UGT1A5: variants seen among roughly 807,000 people sequenced by gnomAD.
UGT1A5 encodes the protein UDP-glucuronosyltransferase 1A5.
A neutral mutation model predicts 40.3 loss-of-function variants in UGT1A5; 29 were observed. The ratio of observed to expected loss-of-function variants is 0.72; its 90% confidence interval spans 0.54 to 0.98. The LOEUF (loss-of-function observed/expected upper bound fraction) is 0.98, where lower values mean the gene tolerates loss of function less well. Ranked by LOEUF, UGT1A5 falls within the 50% of genes least tolerant of loss-of-function variation. The pLI is 0.00. For synonymous variants in UGT1A5, 257 were observed against 262.5 expected (o/e 0.98, Z 0.20); for missense variants, 678 against 677.9 (o/e 1.00, Z 0.00).
intron 3 of UGT1A5, 94 bp from the exon 4 acceptor site, chr2:233,768,126 C>T: frequency 6.2e-7 from 1 of 1,604,728 alleles, no homozygotes; most frequent in Non-Finnish European, 8.5e-7. Flanking sequence ...ATGTGAGTAA[C>T]ACTGAGTCTT....
At chr2:233,770,165 A>G (rs941175167) in intron 4 of UGT1A5, 2 of 152,226 alleles carry the variant, frequency 1.3e-5, no homozygotes, top group Admixed American at 1.3e-4. Context: ...ACACAAATCA[A>G]TGAGCTCAAC....
At chr2:233,762,315 G>T (rs565893517) in intron 1 of UGT1A5, among the ~76,000 whole-genome samples, 1 of 152,334 alleles carries the variant, frequency 6.6e-6, no homozygotes, top group South Asian at 2.1e-4. Context: ...TTAATGGGTC[G>T]AGAGTAATCC....
At chr2:233,766,321 C>T (rs1182863859) in intron 1 of UGT1A5, among the ~76,000 whole-genome samples, 1 of 152,172 alleles carries the variant, frequency 6.6e-6, no homozygotes. Flanking sequence ...CTCAGCCAAA[C>T]TCCGCGTTGT....
At chr2:233,714,970 A>G (rs1219636943) in intron 1 of UGT1A5, among the ~76,000 whole-genome samples, 1 of 152,130 alleles carries the variant, frequency 6.6e-6, no homozygotes, top group Non-Finnish European at 1.5e-5. Context: ...TCCACCTCCC[A>G]GGTTCAACTG....
chr2:233,768,263 T>C lies in UGT1A5; in HGVS notation c.1131T>C (p.His377=), dbSNP rs1699595501. The C allele has an allele frequency of 2.5e-6, 4 of 1,614,154 alleles. No individual in the cohort carries two copies. Among genetic ancestry groups the C allele is most frequent in the Non-Finnish European group, 3.4e-6 (4 of 1,180,014 alleles). ...CCTTTATCACCCATGCTGGTTCCCA[T>C]GGTGTTTATGAAAGCATATGCAATG... The part of the protein sequence containing the change: ...TRAFITHAGS[H]GVYESICNGV... Residue 377 remains histidine (H), a synonymous_variant, in exon 4 of 5, where the codon CAT becomes CAC. Coordinates refer to ENST00000373414, the MANE Select transcript of UGT1A5 (RefSeq NM_019078.2).
chr2:233,772,483 G>A lies in UGT1A5; in HGVS notation c.1529G>A (p.Cys510Tyr), dbSNP rs1700526717. The A allele has an allele frequency of 1.2e-6, 2 of 1,614,146 alleles. No individual in the cohort carries two copies. Among genetic ancestry groups the A allele is most frequent in the Non-Finnish European group, 1.7e-6 (2 of 1,180,048 alleles). Reference protein sequence around the residue: ...VLTVAFITFKCCAYGYRKCLG... With the variant: ...VLTVAFITFKYCAYGYRKCLG... ...ACAGTGGCCTTCATCACCTTTAAAT[G>A]TTGTGCTTATGGCTACCGGAAATGC... The change falls in exon 5 of 5, where the codon TGT becomes TAT. Residue 510 changes from cysteine to tyrosine, a missense_variant. Cys to Tyr is a radical substitution (Grantham distance 194, BLOSUM62 -2). Transcript: ENST00000373414.
intron 1 of UGT1A5, among the ~76,000 whole-genome samples, chr2:233,732,129 GTTGT>G (rs201829156): frequency 0.39 from 58,964 of 151,470 alleles, 11,923 homozygotes; most frequent in African/African-American, 0.5. Context: ...TTTTGATGAG[GTTGT>G]TTGTTTGTTT....
rs997006332 is a variant in UGT1A5, at chr2:233,773,053, G to C, written c.*494G>C. 2 of 178,736 alleles carry C rather than the reference G, an allele frequency of 1.1e-5. No individual in the cohort carries two copies. The highest frequency in any genetic ancestry group is 4.8e-5 in the African/African-American group (2 of 42,000). The allele number at this position is 178,736 out of a possible 1,614,324, so 11.1% of individuals were successfully genotyped here. ...AAAGAAGGGAAGCTTTGTACCTTTA[G>C]AGTGTAGGTGAAATGAATGAATGGC... On this transcript the variant is annotated 3_prime_UTR_variant, in exon 5 of 5. Coordinates refer to ENST00000373414, the MANE Select transcript of UGT1A5 (RefSeq NM_019078.2).
chr2:233,767,766 C>T lies in UGT1A5; in HGVS notation c.1000-83C>T, dbSNP rs28900402. The stretch of plus-strand genomic sequence containing the variant: ...TAAAGACTGTTCCTTCAGAGGACCC[C>T]TGTTTTCTAGTTAGTATAGCAGATT... On this transcript the variant is annotated intron_variant, in intron 2 of 4. Coordinates refer to ENST00000373414, the MANE Select transcript of UGT1A5 (RefSeq NM_019078.2). 4.7e-3 allele frequency: 7,536 copies of T among 1,609,198 alleles called. 310 individuals are homozygous for T. The African/African-American group carries it at 0.088, about 19-fold the overall frequency.
At chr2:233,715,656 C>T (rs1272409868) in intron 1 of UGT1A5, among the ~76,000 whole-genome samples, 1 of 152,072 alleles carries the variant, frequency 6.6e-6, no homozygotes, top group Non-Finnish European at 1.5e-5. Context: ...CCTGTGGTCC[C>T]AGCTACTCGG....
At chr2:233,740,411 T>A (rs1191187066) in intron 1 of UGT1A5, among the ~76,000 whole-genome samples, 1 of 151,958 alleles carries the variant, frequency 6.6e-6, no homozygotes. Context: ...TGGGGAAGTC[T>A]CTCTACCTGT....
At chr2:233,730,562 ACACGAAGTT>A (rs963460994) in intron 1 of UGT1A5, among the ~76,000 whole-genome samples, 4 of 152,160 alleles carry the variant, frequency 2.6e-5, no homozygotes, top group Admixed American at 6.5e-5. Context: ...AGAGAATGAC[ACACGAAGTT>A]CAGTTTCCAG....
intron 1 of UGT1A5, among the ~76,000 whole-genome samples, chr2:233,720,460 C>T (rs1575532860): frequency 1.3e-5 from 2 of 152,110 alleles, no homozygotes; most frequent in East Asian, 3.9e-4. Flanking sequence ...GAAGCTGGGA[C>T]CAGTGATGAA....
At chr2:233,735,683 G>A (rs909239593) in intron 1 of UGT1A5, among the ~76,000 whole-genome samples, 11 of 152,010 alleles carry the variant, frequency 7.2e-5, no homozygotes, top group African/African-American at 2.7e-4. Context: ...CTTCCTTTAG[G>A]AGCTCTTGTA....
Position 233,713,546 on chromosome 2 carries a change from A to G in UGT1A5, c.555A>G (p.Thr185=). The G allele has an allele frequency of 6.2e-7, 1 of 1,613,984 alleles. No individual in the cohort carries two copies. The highest frequency in any genetic ancestry group is 1.1e-5 in the South Asian group (1 of 91,070). The stretch of plus-strand genomic sequence containing the variant: ...CATGTGATTTAGACTTTAAGGGCAC[A>G]CAGTGTCCAAACCCTTCCTCCTATA... ...NIPCDLDFKG[T]QCPNPSSYIP... is the part of the protein sequence containing the mutation. Residue 185 remains threonine, a synonymous_variant, in exon 1 of 5, where the codon ACA becomes ACG. Coordinates refer to ENST00000373414, the MANE Select transcript of UGT1A5 (RefSeq NM_019078.2).
intron 1 of UGT1A5, among the ~76,000 whole-genome samples, chr2:233,765,679 C>T (rs750579921): frequency 2.7e-5 from 4 of 150,004 alleles, no homozygotes; most frequent in Non-Finnish European, 4.4e-5. Flanking sequence ...CATATGTATC[C>T]CAGAACTTCA....
chr2:233,765,405 A>G (rs568434598), intron 1 of UGT1A5, among the ~76,000 whole-genome samples: 1 of 152,328 alleles, frequency 6.6e-6, no homozygotes, highest in South Asian at 2.1e-4. Context: ...GTACATATAC[A>G]CCATGGAATA....
rs570797148 is a variant in UGT1A5, at chr2:233,754,249, G to A, written c.868-12785G>A. The A allele has an allele frequency of 1.1e-3, 192 of 168,812 alleles. 1 individual carries two copies. The South Asian group carries it at 0.012, about 11-fold the overall frequency. 10.5% of individuals were successfully genotyped at this position (168,812 alleles called of 1,614,324 possible). A position where few individuals can be genotyped will look rare whatever the true frequency, so the allele number is the denominator to read the frequency against. On this transcript the variant is annotated intron_variant, in intron 1 of 4. Coordinates refer to ENST00000373414, the MANE Select transcript of UGT1A5 (RefSeq NM_019078.2). ...ACCACCTGGCTCACACTTTCCCAAC[G>A]GAAAAAGGTAAGGCTCAAAGTGCTG...
At chr2:233,756,685 A>C (rs948825401) in intron 1 of UGT1A5, among the ~76,000 whole-genome samples, 1 of 152,128 alleles carries the variant, frequency 6.6e-6, no homozygotes, top group Non-Finnish European at 1.5e-5. Flanking sequence ...ACTGCTATAT[A>C]ATGACGATGA....
Sources: allele counts gnomAD v4.1 joint callset (sites outside exome capture counted in the v4.1 genomes callset), GRCh38; gene constraint gnomAD v4.1.1; transcripts MANE v1.5; gene names NCBI Gene and HGNC (gene_info 2026-07-23, HGNC 2026-07-21).